The following NRG3 variants were observed in gnomAD, a reference collection of about 807,000 sequenced individuals.
The protein encoded by NRG3 is neuregulin 3.
Under a neutral mutation model 66.9 loss-of-function variants are expected in NRG3, and 31 were observed. The observed-to-expected ratio is 0.46, with a 90% CI of 0.35 to 0.63. The LOEUF is 0.63. Among genes scored for constraint, NRG3 ranks in the 20% least tolerant of loss-of-function variants. The pLI, the probability that NRG3 is intolerant of heterozygous loss-of-function variation, is 0.00. For missense variants in NRG3, 910 were observed against 878.9 expected, an observed-to-expected ratio of 1.04 and a Z score of -0.45; for synonymous variants, 393 against 359.4, an observed-to-expected ratio of 1.09 and a Z score of -1.06.
chr10:82,771,571 G>A (rs1442486729), intron 3 of NRG3, among the ~76,000 whole-genome samples: 1 of 152,146 alleles, frequency 6.6e-6, no homozygotes, highest in Non-Finnish European at 1.5e-5. Context: ...TGTCTACCAA[G>A]CTGGTTGCCG....
intron 2 of NRG3, among the ~76,000 whole-genome samples, chr10:82,665,025 A>G (rs2052654058): frequency 6.6e-6 from 1 of 151,938 alleles, no homozygotes. Flanking sequence ...GATGTCCATT[A>G]TTTCCCTTTT....
chr10:82,334,540 A>C (rs530144115), intron 1 of NRG3, among the ~76,000 whole-genome samples: 2 of 152,370 alleles, frequency 1.3e-5, no homozygotes, highest in East Asian at 1.9e-4. Flanking sequence ...ACCTTTTTAA[A>C]AATTATGGGC....
intron 2 of NRG3, among the ~76,000 whole-genome samples, chr10:82,430,762 T>C (rs537913430): frequency 6.6e-6 from 1 of 152,176 alleles, no homozygotes; most frequent in Non-Finnish European, 1.5e-5. Flanking sequence ...CTGGGATGGT[T>C]TGGTGTCAGC....
chr10:82,544,695 G>C (rs1393868054), intron 2 of NRG3, among the ~76,000 whole-genome samples: 2 of 152,100 alleles, frequency 1.3e-5, no homozygotes. Context: ...ACAGAGAGCT[G>C]ATCTGTACAC....
chr10:82,440,791 G>A (rs192179419), intron 2 of NRG3, among the ~76,000 whole-genome samples: 249 of 152,098 alleles, frequency 1.6e-3, no homozygotes, highest in Middle Eastern at 6.8e-3. Flanking sequence ...TATTATATTA[G>A]CTTACATTAA....
chr10:82,546,889 C>T (rs2132830462), intron 2 of NRG3, among the ~76,000 whole-genome samples: 1 of 152,192 alleles, frequency 6.6e-6, no homozygotes, highest in East Asian at 1.9e-4. Flanking sequence ...ACTCAAATCC[C>T]ACCCAAAACT....
At chr10:82,150,908 C>T (rs188325676) in intron 1 of NRG3, among the ~76,000 whole-genome samples, 157 of 152,220 alleles carry the variant, frequency 1.0e-3, no homozygotes, top group Middle Eastern at 3.4e-3. Flanking sequence ...TACAAAACTA[C>T]TTGTGCTGTA....
At chr10:82,118,527 C>A (rs560474249) in intron 1 of NRG3, among the ~76,000 whole-genome samples, 1 of 151,940 alleles carries the variant, frequency 6.6e-6, no homozygotes, top group Admixed American at 6.6e-5. Context: ...ACTATTTAAA[C>A]GTTTATTTTA....
chr10:82,924,879 C>T (rs1846825449), intron 4 of NRG3, among the ~76,000 whole-genome samples: 1 of 152,096 alleles, frequency 6.6e-6, no homozygotes, highest in Non-Finnish European at 1.5e-5. Context: ...TTCCATGTTA[C>T]ATAAGAGTAA....
At chr10:82,388,335 A>G (rs1426279175) in intron 2 of NRG3, among the ~76,000 whole-genome samples, 3 of 152,218 alleles carry the variant, frequency 2.0e-5, no homozygotes, top group Non-Finnish European at 4.4e-5. Flanking sequence ...TTACGTAAAA[A>G]GAGAATGTAT....
intron 3 of NRG3, among the ~76,000 whole-genome samples, chr10:82,821,207 C>T (rs369614722): frequency 2.0e-5 from 3 of 152,270 alleles, no homozygotes; most frequent in African/African-American, 7.2e-5. Flanking sequence ...TTTGTGGCAT[C>T]ACGTTGTCCC....
chr10:81,926,982 C>T (rs184410367), intron 1 of NRG3, among the ~76,000 whole-genome samples: 20 of 152,224 alleles, frequency 1.3e-4, no homozygotes, highest in African/African-American at 3.6e-4. Flanking sequence ...TATGGCATTG[C>T]GTGTGGCGAC....
chr10:82,609,110 A>G (rs2048146061), intron 2 of NRG3, among the ~76,000 whole-genome samples: 2 of 152,254 alleles, frequency 1.3e-5, no homozygotes. Flanking sequence ...ACTTTACCAT[A>G]TGTGATTGAC....
chr10:82,423,815 C>T (rs11194270), intron 2 of NRG3, among the ~76,000 whole-genome samples: 4,060 of 152,040 alleles, frequency 0.027, 206 homozygotes, highest in East Asian at 0.17. Flanking sequence ...TACATTCGCC[C>T]ATTTTCCATA....
At chr10:82,441,895 C>G (rs899642511) in intron 2 of NRG3, among the ~76,000 whole-genome samples, 1 of 152,152 alleles carries the variant, frequency 6.6e-6, no homozygotes, top group African/African-American at 2.4e-5. Context: ...TGCCTGGCAT[C>G]CGAGTAGAGA....
intron 2 of NRG3, among the ~76,000 whole-genome samples, chr10:82,556,869 A>G (rs771863437): frequency 3.3e-5 from 5 of 152,036 alleles, no homozygotes; most frequent in Non-Finnish European, 7.4e-5. Context: ...TCTAGCTCCT[A>G]CTTTTAAGTG....
intron 2 of NRG3, among the ~76,000 whole-genome samples, chr10:82,449,833 G>C (rs1464392606): frequency 2.0e-5 from 3 of 152,258 alleles, no homozygotes; most frequent in East Asian, 3.9e-4. Context: ...AGTGTAAAGA[G>C]TGAAGATCAA....
chr10:82,612,780 C>T (rs759153726), intron 2 of NRG3, among the ~76,000 whole-genome samples: 3 of 152,098 alleles, frequency 2.0e-5, no homozygotes, highest in Non-Finnish European at 4.4e-5. Flanking sequence ...AATACATATG[C>T]AATGTTGTTA....
intron 2 of NRG3, among the ~76,000 whole-genome samples, chr10:82,424,554 A>C (rs1235396006): frequency 2.0e-5 from 3 of 152,082 alleles, no homozygotes; most frequent in African/African-American, 7.2e-5. Flanking sequence ...CTTTTGAGGC[A>C]TATGACATCC....
Sources: gnomAD v4.1 joint callset for allele counts (sites outside exome capture counted in the v4.1 genomes callset) on GRCh38, gnomAD v4.1.1 for gene constraint, MANE v1.5 for transcripts, NCBI Gene and HGNC (gene_info 2026-07-23, HGNC 2026-07-21) for gene names.